Variants in PIEZO2 observed in about 807,000 individuals in gnomAD.
PIEZO2 encodes piezo type mechanosensitive ion channel component 2.
PIEZO2 carries 172 observed loss-of-function variants against 337.3 expected under a neutral mutation model. The observed-to-expected ratio is 0.51, with a 90% CI of 0.45 to 0.58. The LOEUF is 0.58. Among genes scored for constraint, PIEZO2 ranks in the 20% least tolerant of loss-of-function variants. PIEZO2 has a pLI of 0.00. For synonymous variants in PIEZO2, 1,251 were observed against 1,228.5 expected, an observed-to-expected ratio of 1.02 and a Z score of -0.38; for missense variants, 3,028 against 3,391.3, an observed-to-expected ratio of 0.89 and a Z score of 2.66.
intron 1 of PIEZO2, among the ~76,000 whole-genome samples, chr18:11,090,223 T>C (rs1480351512): frequency 1.3e-5 from 2 of 151,872 alleles, no homozygotes; most frequent in African/African-American, 4.8e-5. Flanking sequence ...TGACCTTTGA[T>C]AGGCTGGCTG....
At chr18:10,826,646 T>C (rs2040686253) in intron 7 of PIEZO2, among the ~76,000 whole-genome samples, 1 of 152,238 alleles carries the variant, frequency 6.6e-6, no homozygotes, top group African/African-American at 2.4e-5. Flanking sequence ...ATTGTTTATA[T>C]GCTTACATTT....
At chr18:11,114,337 G>A (rs1237792659) in intron 1 of PIEZO2, among the ~76,000 whole-genome samples, 1 of 152,196 alleles carries the variant, frequency 6.6e-6, no homozygotes, top group Non-Finnish European at 1.5e-5. Flanking sequence ...AAAGAGGCAT[G>A]TACAACTGTC....
In PIEZO2 at chr18:11,097,926, C is replaced by A. The variant is rs1019519626; in HGVS notation, c.65-31704G>T. Among the ~76,000 whole-genome samples the A allele has an allele frequency of 4.6e-5, 7 of 152,102 alleles. No homozygotes were observed. The highest frequency in any genetic ancestry group is 8.8e-5 in the Non-Finnish European group (6 of 68,006). On this transcript the variant is annotated intron_variant, in intron 1 of 55. Transcript: ENST00000674853. The surrounding 1 kb of genome is among the most constrained non-coding windows in gnomAD (Gnocchi z 5.0). ...AGGCTTTTATTTTTCACCTCATAGT[C>A]TTCCATACTATGATTTTGAAGATTG...
chr18:10,900,292 T>G (rs1257665313), intron 4 of PIEZO2, among the ~76,000 whole-genome samples: 1 of 152,134 alleles, frequency 6.6e-6, no homozygotes, highest in Non-Finnish European at 1.5e-5. Flanking sequence ...ACAAGATACC[T>G]TGGCAGATCA....
intron 2 of PIEZO2, among the ~76,000 whole-genome samples, chr18:11,057,154 G>C (rs765868225): frequency 6.6e-6 from 1 of 152,024 alleles, no homozygotes; most frequent in Non-Finnish European, 1.5e-5. Context: ...GCGGCTCCTG[G>C]ATGGCTCTCG....
rs151302842 is a variant in PIEZO2 at position 10,819,786 on chromosome 18, C to T, written c.918-12512G>A. 3.3e-3 allele frequency among the ~76,000 whole-genome samples: 497 copies of T among 152,258 alleles called. 5 individuals carry two copies. The highest frequency in any genetic ancestry group is 0.011 in the African/African-American group (470 of 41,546). ...TTTCAAGAGCTTGTAATTTGTAGAG[C>T]TAAGCTTCTACCTGAAATCATTTTC... On this transcript the variant is annotated intron_variant, in intron 7 of 55. Transcript: ENST00000674853. The surrounding 1 kb of genome is among the most constrained non-coding windows in gnomAD (Gnocchi z 4.3).
rs1343303187 is a variant in PIEZO2, at chr18:10,714,830, C to G, written c.5357G>C (p.Gly1786Ala). ...SGLDTIDEHP[G>A]AASGAQTAHR... ...GGCTGTCTGTGCACCTGAAGCAGCT[C>G]CGGGATGCTCGTCAATGGTGTCCAG... Residue 1786 changes from glycine (G) to alanine (A), a missense_variant, in exon 39 of 56, where the codon GGA (glycine) becomes GCA (alanine). Around this residue, in one of 5 missense-constraint regions of PIEZO2, gnomAD observed 1,925 missense variants for 2,051.9 expected, o/e 0.94. Coordinates refer to ENST00000674853, the MANE Select transcript of PIEZO2 (RefSeq NM_001378183.1). 2.6e-6 allele frequency: 4 copies of G among 1,537,106 alleles called. No homozygotes were observed. In the African/African-American group the frequency reaches 5.5e-5, roughly 21 times the overall value.
intron 49 of PIEZO2, among the ~76,000 whole-genome samples, chr18:10,684,466 G>GT (rs58939994): frequency 7.4e-6 from 1 of 135,872 alleles, no homozygotes. Context: ...CGCCCGGCCT[G>GT]TTTTTTTTTT....
intron 2 of PIEZO2, among the ~76,000 whole-genome samples, chr18:10,981,018 C>T (rs112682881): frequency 7.2e-5 from 11 of 152,238 alleles, no homozygotes; most frequent in African/African-American, 2.6e-4. Context: ...AGTAACTTTA[C>T]CCTGTGCCCA....
intron 34 of PIEZO2, among the ~76,000 whole-genome samples, chr18:10,736,230 C>T (rs936862166): frequency 1.1e-4 from 17 of 152,194 alleles, no homozygotes; most frequent in African/African-American, 3.6e-4. Flanking sequence ...TTTTCATTAT[C>T]GCCTTACATT....
At chr18:11,082,809 A>G (rs1598932005) in intron 1 of PIEZO2, among the ~76,000 whole-genome samples, 1 of 152,170 alleles carries the variant, frequency 6.6e-6, no homozygotes, top group Non-Finnish European at 1.5e-5. Flanking sequence ...AAAGTAAAGC[A>G]AACTCCAATA....
chr18:10,921,937 T>C (rs2031444710), intron 3 of PIEZO2, among the ~76,000 whole-genome samples: 1 of 152,168 alleles, frequency 6.6e-6, no homozygotes, highest in Admixed American at 6.5e-5. Context: ...AATTCTTGCC[T>C]AATAAATTTT....
chr18:10,845,646 C>T (rs1212508764), intron 7 of PIEZO2, among the ~76,000 whole-genome samples: 1 of 152,098 alleles, frequency 6.6e-6, no homozygotes, highest in East Asian at 1.9e-4. Flanking sequence ...GGTAAAGGAG[C>T]CCCATTTTCA....
chr18:10,795,369 AT>A lies in PIEZO2; in HGVS notation c.1528-368del, dbSNP rs1568066684. Among the ~76,000 whole-genome samples the A allele has an allele frequency of 4.0e-5, 2 of 49,698 alleles. No homozygotes were observed. Among genetic ancestry groups the A allele is most frequent in the Admixed American group, 4.4e-4 (2 of 4,498 alleles). The allele number at this position is 49,698 out of a possible 152,430, so 32.6% of individuals were successfully genotyped here. ...TTATTTTATTATTTTATTTTATTTTATTTTATTTTATTTTATTTTATTTTAT... is the reference window on the plus strand; with the variant it reads ...TTATTTTATTATTTTATTTTATTTTATTTATTTTATTTTATTTTATTTTAT... On this transcript the variant is annotated intron_variant, in intron 12 of 55. Coordinates refer to ENST00000674853, the MANE Select transcript of PIEZO2 (RefSeq NM_001378183.1). This position sits in a 1 kb window ranked among gnomAD's most constrained non-coding sequence, Gnocchi z 4.4.
Position 10,671,241 on chromosome 18 carries a change from T to C in PIEZO2, c.*286A>G, listed in dbSNP as rs562055728. On this transcript the variant is annotated 3_prime_UTR_variant, in exon 56 of 56. Transcript: ENST00000674853. The stretch of plus-strand genomic sequence containing the variant: ...CTGTTTCTCTTAGGGACGGGGCCCA[T>C]AAATGATTCCTTCACATGATCAATC... 1.8e-4 allele frequency: 48 copies of C among 268,804 alleles called. No individual in the cohort carries two copies. The South Asian group carries it at 2.6e-3, about 15-fold the overall frequency. 16.7% of individuals were successfully genotyped at this position (268,804 alleles called of 1,614,324 possible).
At chr18:11,034,234 AT>A (rs2036841267) in intron 2 of PIEZO2, among the ~76,000 whole-genome samples, 1 of 152,114 alleles carries the variant, frequency 6.6e-6, no homozygotes, top group African/African-American at 2.4e-5. Context: ...TATTTTCTCT[AT>A]TAAAAAATGG....
In PIEZO2 at chr18:10,940,732, C is replaced by T. The variant is rs552806589; in HGVS notation, c.287-29504G>A. 6.6e-6 allele frequency among the ~76,000 whole-genome samples: 1 copy of T among 152,172 alleles called. No individual in the cohort carries two copies. Among genetic ancestry groups the T allele is most frequent in the African/African-American group, 2.4e-5 (1 of 41,520 alleles). On this transcript the variant is annotated intron_variant, in intron 3 of 55. Transcript: ENST00000674853. The surrounding 1 kb of genome is among the most constrained non-coding windows in gnomAD (Gnocchi z 5.3). ...CAAAAATTAGCTGGGCATGGTGGCT[C>T]GCGCCTGTAGTCCCAGCTACTGGGG...
chr18:10,726,750 C>T lies in PIEZO2; in HGVS notation c.5029+4657G>A. 2 of 1,480,300 alleles carry T rather than the reference C, an allele frequency of 1.4e-6. No homozygotes were observed. The highest frequency in any genetic ancestry group is 4.6e-5 in the East Asian group (2 of 43,908). The allele number at this position is 1,480,300 out of a possible 1,614,324, so 91.7% of individuals were successfully genotyped here. A position where few individuals can be genotyped will look rare whatever the true frequency, so the allele number is the denominator to read the frequency against. ...TGGGACATCGCCAGACCATCGATTT[C>T]CCGCTGCTGACCTCACTGGGCAAGG... is the stretch of plus-strand genomic sequence containing the variant. On this transcript the variant is annotated intron_variant, in intron 36 of 55. Coordinates refer to ENST00000674853, the MANE Select transcript of PIEZO2 (RefSeq NM_001378183.1). This position sits in a 1 kb window ranked among gnomAD's most constrained non-coding sequence, Gnocchi z 5.9.
intron 27 of PIEZO2, among the ~76,000 whole-genome samples, chr18:10,755,309 G>A (rs891585821): frequency 1.2e-4 from 18 of 152,264 alleles, no homozygotes; most frequent in African/African-American, 4.3e-4. Flanking sequence ...TGCTGTGACT[G>A]CATGAGCTTC....
Sources: gnomAD v4.1 joint callset for allele counts (sites outside exome capture counted in the v4.1 genomes callset) on GRCh38, gnomAD v4.1.1 for gene constraint, gnomAD v4.1.1 regional missense constraint, Gnocchi (gnomAD v3.1) non-coding constraint, MANE v1.5 for transcripts, NCBI Gene and HGNC (gene_info 2026-07-23, HGNC 2026-07-21) for gene names.